The following SELPLG variants were observed in gnomAD, a reference collection of about 807,000 sequenced individuals.
The protein encoded by SELPLG is P-selectin glycoprotein ligand 1.
Under a neutral mutation model 1.1 loss-of-function variants are expected in SELPLG, and 2 were observed. The observed-to-expected ratio is 1.82, with a 90% CI of 0.74 to 5.71. SELPLG has a LOEUF of 5.71. Ranked by LOEUF, SELPLG falls within the 30% of genes most tolerant of loss-of-function variation. The probability of loss-of-function intolerance (pLI) is 0.05; values close to 1 mark genes in which losing one functional copy is unlikely to be tolerated. For synonymous variants in SELPLG, 230 were observed against 221.2 expected (o/e 1.04, Z -0.35); for missense variants, 478 against 524.7 (o/e 0.91, Z 0.87).
rs532672938 is a variant in SELPLG at position 108,627,720 on chromosome 12, T to C, written c.-5-3408A>G. ...TGGGAAGCCAAGGCAGGCAGATCAC[T>C]TGAGCCCATGAGTTCAAGACCAGCC... On this transcript the variant is annotated intron_variant, in intron 1 of 1. Transcript: ENST00000550948. 8.1e-4 allele frequency among the ~76,000 whole-genome samples: 124 copies of C among 152,290 alleles called. 1 individual carries two copies. The South Asian group carries it at 0.025, about 31-fold the overall frequency.
chr12:108,627,453 G>A (rs1032970727), intron 1 of SELPLG, among the ~76,000 whole-genome samples: 4 of 152,162 alleles, frequency 2.6e-5, no homozygotes, highest in Non-Finnish European at 5.9e-5. Flanking sequence ...GCAGGGCATA[G>A]GGTTGAAAGC....
intron 1 of SELPLG, 150 bp from the exon 2 acceptor site, chr12:108,624,462 G>A: frequency 1.5e-6 from 1 of 656,356 alleles, no homozygotes; most frequent in Non-Finnish European, 2.6e-6. Flanking sequence ...GACATGCCTG[G>A]GATGGAGAAG....
chr12:108,623,990 C>T lies in SELPLG; in HGVS notation c.318G>A (p.Leu106=), dbSNP rs2136761798. ...GGAVTELTTE[L]ANMGNLSTDS... Reference sequence around the variant, plus strand: ...CCGTGGACAGGTTCCCCATGTTGGCCAGCTCCGTGGTCAGCTCTGTGACTG... The same window carrying T: ...CCGTGGACAGGTTCCCCATGTTGGCTAGCTCCGTGGTCAGCTCTGTGACTG... Residue 106 remains leucine, a synonymous_variant, in exon 2 of 2, where the codon CTG becomes CTA. Coordinates refer to ENST00000550948, the MANE Select transcript of SELPLG (RefSeq NM_003006.4). The T allele has an allele frequency of 1.9e-6, 3 of 1,614,198 alleles. No individual in the cohort carries two copies. The highest frequency in any genetic ancestry group is 2.7e-5 in the African/African-American group (2 of 75,044).
At chr12:108,630,101 G>T (rs2032018666) in intron 1 of SELPLG, among the ~76,000 whole-genome samples, 1 of 152,216 alleles carries the variant, frequency 6.6e-6, no homozygotes, top group African/African-American at 2.4e-5. Context: ...AGTGGGGCCA[G>T]GGCAGGGCTC....
rs1465254949 is a variant in SELPLG, at chr12:108,623,239, A to ATC, written c.1068_1069insGA (p.Tyr357AspfsTer37). 1 of 1,611,572 alleles carries ATC rather than the reference A, an allele frequency of 6.2e-7. No homozygotes were observed. Among genetic ancestry groups the ATC allele is most frequent in the South Asian group, 1.1e-5 (1 of 90,926 alleles). The stretch of plus-strand genomic sequence containing the variant: ...ATGCAGACCATCTCGGTGGGGGAGT[A>ATC]ATTACGCACGGGGTACATGTGGCCC... On this transcript the variant is annotated frameshift_variant, in exon 2 of 2. Transcript: ENST00000550948. LOFTEE classifies it high-confidence loss of function.
rs1344132302 is a variant in SELPLG, at chr12:108,624,191, G to T, written c.117C>A (p.Asp39Glu). 6.2e-7 allele frequency: 1 copy of T among 1,614,194 alleles called. No homozygotes were observed. The highest frequency in any genetic ancestry group is 1.1e-5 in the South Asian group (1 of 91,078). The change falls in exon 2 of 2, where the codon GAC becomes GAA. Residue 39 changes from aspartate (D) to glutamate (E), a missense_variant. By Grantham distance (45) the Asp-to-Glu change is conservative. Coordinates refer to ENST00000550948, the MANE Select transcript of SELPLG (RefSeq NM_003006.4). ...EKALGPLLAR[D>E]RRQATEYEYL... ...ACTCATATTCGGTGGCCTGTCTCCG[G>T]TCCCGGGCAAGCAGGGGACCCAAGG...
Position 108,622,156 on chromosome 12 carries a change from G to A in SELPLG, c.*913C>T, listed in dbSNP as rs1406724079. 6.6e-6 allele frequency: 1 copy of A among 152,362 alleles called. No homozygotes were observed. Among genetic ancestry groups the A allele is most frequent in the Non-Finnish European group, 1.5e-5 (1 of 68,166 alleles). The allele number at this position is 152,362 out of a possible 1,614,324, so 9.4% of individuals were successfully genotyped here. On this transcript the variant is annotated 3_prime_UTR_variant, in exon 2 of 2. Coordinates refer to ENST00000550948, the MANE Select transcript of SELPLG (RefSeq NM_003006.4). ...ACAGCCCATGAAAGAGGCTTCCTGG[G>A]GGGCCAGGGGCTGAGGGCAGACAGC...
intron 1 of SELPLG, among the ~76,000 whole-genome samples, chr12:108,632,389 G>GTT (rs1555212642): frequency 6.9e-6 from 1 of 144,614 alleles, no homozygotes; most frequent in Non-Finnish European, 1.5e-5. Flanking sequence ...GACAATATGG[G>GTT]GTGTGTGTGT....
Position 108,623,241 on chromosome 12 carries a change from T to C in SELPLG, c.1067A>G (p.Asn356Ser), listed in dbSNP as rs764876773. The C allele has an allele frequency of 8.7e-5, 141 of 1,613,880 alleles. 1 individual carries two copies. The South Asian group carries it at 1.5e-3, about 17-fold the overall frequency. The change falls in exon 2 of 2, where the codon AAT becomes AGT. Residue 356 changes from asparagine to serine, a missense_variant. Coordinates refer to ENST00000550948, the MANE Select transcript of SELPLG (RefSeq NM_003006.4). ...SRKGHMYPVR[N>S]YSPTEMVCIS... ...GCAGACCATCTCGGTGGGGGAGTAA[T>C]TACGCACGGGGTACATGTGGCCCTT...
At position 108,623,065 on chromosome 12, in the gene SELPLG, T is replaced by G. The variant is rs1419551842; in HGVS notation, c.*4A>C. ...GGTCTTGCCAAAACAGATGGCAGAG[T>G]GAGCTAAGGGAGGAAGCTGTGCAGG... On this transcript the variant is annotated 3_prime_UTR_variant, in exon 2 of 2. Coordinates refer to ENST00000550948, the MANE Select transcript of SELPLG (RefSeq NM_003006.4). 6.7e-7 allele frequency: 1 copy of G among 1,482,734 alleles called. No homozygotes were observed. The highest frequency in any genetic ancestry group is 9.0e-7 in the Non-Finnish European group (1 of 1,116,504). The allele number at this position is 1,482,734 out of a possible 1,614,324, so 91.8% of individuals were successfully genotyped here. A position where few individuals can be genotyped will look rare whatever the true frequency, so the allele number is the denominator to read the frequency against.
In SELPLG at chr12:108,623,857, C is replaced by T; in HGVS notation, c.451G>A (p.Ala151Thr). Reference sequence around the variant, plus strand: ...GTGGCCGTCAGTCGAGTTGTCTGTGCCTCTGTGGCTGCCAGTGGAGTGGTC... The same window carrying T: ...GTGGCCGTCAGTCGAGTTGTCTGTGTCTCTGTGGCTGCCAGTGGAGTGGTC... ...AQTTPLAATE[A>T]QTTRLTATEA... The change falls in exon 2 of 2, where the codon GCA (alanine) becomes ACA (threonine). Residue 151 changes from alanine (A) to threonine (T), a missense_variant. Physicochemically the swap from Ala to Thr is moderately conservative, Grantham distance 58 (BLOSUM62 0). Transcript: ENST00000550948. 6.4e-7 allele frequency: 1 copy of T among 1,564,260 alleles called. No homozygotes were observed. Among genetic ancestry groups the T allele is most frequent in the Non-Finnish European group, 8.7e-7 (1 of 1,152,410 alleles).
rs766016385 is a variant in SELPLG at position 108,624,262 on chromosome 12, T to A, written c.46A>T (p.Asn16Tyr). 1.2e-6 allele frequency: 2 copies of A among 1,614,166 alleles called. No individual in the cohort carries two copies. Among genetic ancestry groups the A allele is most frequent in the Middle Eastern group, 3.3e-4 (2 of 6,062 alleles). ...CAGGTGTCCCACAGCTGCAAGCTGTTGCCAGGGCCCAGTAGGATCAGCAAC... is the reference window on the plus strand; with the variant it reads ...CAGGTGTCCCACAGCTGCAAGCTGTAGCCAGGGCCCAGTAGGATCAGCAAC... The part of the protein sequence containing the change: ...LLLLILLGPG[N>Y]SLQLWDTWAD... The change falls in exon 2 of 2, where the codon AAC becomes TAC. Residue 16 changes from asparagine to tyrosine, a missense_variant. Asn to Tyr is a moderately radical substitution (Grantham distance 143, BLOSUM62 -2). Transcript: ENST00000550948.
Position 108,624,009 on chromosome 12 carries a change from G to C in SELPLG, c.299C>G (p.Thr100Arg), listed in dbSNP as rs1427010709. ...GTTGGCCAGCTCCGTGGTCAGCTCT[G>C]TGACTGCCCCTCCTGCATCCAGGCC... is the stretch of plus-strand genomic sequence containing the variant. ...STGLDAGGAV[T>R]ELTTELANMG... Residue 100 changes from threonine to arginine, a missense_variant, in exon 2 of 2, where the codon ACA (threonine) becomes AGA (arginine). Thr to Arg is a moderately conservative substitution (Grantham distance 71, BLOSUM62 -1). Transcript: ENST00000550948. The C allele has an allele frequency of 6.2e-6, 10 of 1,614,222 alleles. No individual in the cohort carries two copies. Among genetic ancestry groups the C allele is most frequent in the Non-Finnish European group, 8.5e-6 (10 of 1,180,038 alleles).
In SELPLG at chr12:108,622,926, TGGCCAGAGTTC is replaced by T; in HGVS notation, c.*132_*142del. 1.2e-6 allele frequency: 1 copy of T among 834,886 alleles called. No homozygotes were observed. The highest frequency in any genetic ancestry group is 1.8e-6 in the Non-Finnish European group (1 of 569,412). The allele number at this position is 834,886 out of a possible 1,614,324, so 51.7% of individuals were successfully genotyped here. ...CCAGGCTGCTCTTGTCCTGTTTGGG[TGGCCAGAGTTC>T]CTTCCCTGAAGATCCCCATCCCCAG... On this transcript the variant is annotated 3_prime_UTR_variant, in exon 2 of 2. Coordinates refer to ENST00000550948, the MANE Select transcript of SELPLG (RefSeq NM_003006.4).
chr12:108,622,747 A>T lies in SELPLG; in HGVS notation c.*322T>A, dbSNP rs763280471. 10 of 303,372 alleles carry T rather than the reference A, an allele frequency of 3.3e-5. No individual in the cohort carries two copies. The highest frequency in any genetic ancestry group is 6.1e-5 in the Non-Finnish European group (10 of 163,002). The allele number at this position is 303,372 out of a possible 1,614,324, so 18.8% of individuals were successfully genotyped here. Reference sequence around the variant, plus strand: ...GGAGAAGCGGGGAGAGCCATGGGAGATGTTAGAGGGACCCAGAGAAGATGG... The same window carrying T: ...GGAGAAGCGGGGAGAGCCATGGGAGTTGTTAGAGGGACCCAGAGAAGATGG... On this transcript the variant is annotated 3_prime_UTR_variant, in exon 2 of 2. Coordinates refer to ENST00000550948, the MANE Select transcript of SELPLG (RefSeq NM_003006.4).
chr12:108,623,144 C>A lies in SELPLG; in HGVS notation c.1164G>T (p.Lys388Asn), dbSNP rs745378540. The A allele has an allele frequency of 3.0e-5, 49 of 1,607,482 alleles. No individual in the cohort carries two copies. Among genetic ancestry groups the A allele is most frequent in the Non-Finnish European group, 3.9e-5 (46 of 1,176,934 alleles). ...ATANGGLSKA[K>N]SPGLTPEPRE... ...TGGGCTCTGGCGTCAGGCCCGGGCT[C>A]TTGGCCTTGGACAGGCCCCCATTGG... Residue 388 changes from lysine to asparagine, a missense_variant, in exon 2 of 2, where the codon AAG becomes AAT. Lys to Asn is a moderately conservative substitution (Grantham distance 94). Transcript: ENST00000550948.
At chr12:108,624,922 T>TCAAGC (rs2031910323) in intron 1 of SELPLG, among the ~76,000 whole-genome samples, 1 of 152,116 alleles carries the variant, frequency 6.6e-6, no homozygotes, top group African/African-American at 2.4e-5. Flanking sequence ...ACTCCTGGCC[T>TCAAGC]CAAGTTATCT....
At chr12:108,632,128 C>T (rs1034659147) in intron 1 of SELPLG, 4 of 578,756 alleles carry the variant, frequency 6.9e-6, no homozygotes, top group Non-Finnish European at 1.2e-5. Context: ...CCTAGCAACC[C>T]AGCCCTTCCG....
intron 1 of SELPLG, among the ~76,000 whole-genome samples, chr12:108,626,961 C>T (rs899576547): frequency 1.3e-5 from 2 of 152,070 alleles, no homozygotes; most frequent in South Asian, 2.1e-4. Context: ...AAAAATTAGC[C>T]GGGCGTGGTG....
Sources: gnomAD v4.1 joint callset for allele counts (sites outside exome capture counted in the v4.1 genomes callset) on GRCh38, gnomAD v4.1.1 for gene constraint, MANE v1.5 for transcripts, NCBI Gene and HGNC (gene_info 2026-07-23, HGNC 2026-07-21) for gene names.